CDH5: variants seen among roughly 807,000 people sequenced by gnomAD.
CDH5 encodes the protein cadherin-5.
CDH5 carries 28 observed loss-of-function variants against 62.0 expected under a neutral mutation model. The ratio of observed to expected loss-of-function variants is 0.45; its 90% CI spans 0.33 to 0.62. CDH5 has a LOEUF of 0.62. CDH5 is among the 20% of genes least tolerant of loss of function. The probability of loss-of-function intolerance (pLI) is 0.02; values close to 1 mark genes in which losing one functional copy is unlikely to be tolerated. For synonymous variants in CDH5, 464 were observed against 445.8 expected (o/e 1.04, Z -0.52); for missense variants, 940 against 1,065.1 (o/e 0.88, Z 1.63).
chr16:66,377,044 G>C (rs1342918476), intron 1 of CDH5, among the ~76,000 whole-genome samples: 3 of 152,126 alleles, frequency 2.0e-5, no homozygotes, highest in Non-Finnish European at 4.4e-5. Context: ...TGTCATCTTT[G>C]AGTCACTTCT....
chr16:66,380,600 T>C (rs1016470477), intron 2 of CDH5, among the ~76,000 whole-genome samples: 2 of 151,718 alleles, frequency 1.3e-5, no homozygotes, highest in Non-Finnish European at 2.9e-5. Context: ...GTGATGATGA[T>C]GGTGGTGATG....
chr16:66,400,267 G>C (rs1272341089), intron 10 of CDH5, among the ~76,000 whole-genome samples: 1 of 152,248 alleles, frequency 6.6e-6, no homozygotes, highest in Non-Finnish European at 1.5e-5. Flanking sequence ...CATTTTCTCT[G>C]TGCCCCAAGG....
At chr16:66,397,952 C>T (rs1961214443) in intron 8 of CDH5, 30 bp from the exon 9 acceptor site, 1 of 1,613,804 alleles carries the variant, frequency 6.2e-7, no homozygotes, top group Non-Finnish European at 8.5e-7. Flanking sequence ...TCAGCTGAGC[C>T]CATAATGGTG....
chr16:66,401,941 G>A (rs1303833435), intron 11 of CDH5, among the ~76,000 whole-genome samples: 1 of 152,180 alleles, frequency 6.6e-6, no homozygotes, highest in East Asian at 1.9e-4. Flanking sequence ...GGCCTCTCCT[G>A]CCTGTAGCCC....
intron 1 of CDH5, among the ~76,000 whole-genome samples, chr16:66,374,259 C>T (rs1412689724): frequency 6.6e-6 from 1 of 152,210 alleles, no homozygotes; most frequent in Non-Finnish European, 1.5e-5. Context: ...GGAGGGTGCT[C>T]AAGGCTCTGG....
rs1162119809 is a variant in CDH5, at chr16:66,402,949, A to G, written c.2135A>G (p.Lys712Arg). The change falls in exon 12 of 12, where the codon AAG becomes AGG. Residue 712 changes from lysine (K) to arginine (R), a missense_variant. Transcript: ENST00000341529. ...PGEMAAMIEV[K>R]KDEADHDGDG... ...GAGATGGCAGCCATGATCGAGGTGA[A>G]GAAGGACGAGGCGGACCACGACGGC... The G allele has an allele frequency of 6.8e-6, 11 of 1,612,738 alleles. No homozygotes were observed. The highest frequency in any genetic ancestry group is 9.3e-6 in the Non-Finnish European group (11 of 1,179,932).
chr16:66,381,570 T>A (rs1307358458), intron 2 of CDH5, among the ~76,000 whole-genome samples: 1 of 152,184 alleles, frequency 6.6e-6, no homozygotes, highest in Non-Finnish European at 1.5e-5. Context: ...CTTCTTGGAA[T>A]CTAAATGACA....
Position 66,386,971 on chromosome 16 carries a change from A to G in CDH5, c.373A>G (p.Lys125Glu). 1 of 1,614,216 alleles carries G rather than the reference A, an allele frequency of 6.2e-7. No individual in the cohort carries two copies. The highest frequency in any genetic ancestry group is 8.5e-7 in the Non-Finnish European group (1 of 1,180,036). The part of the protein sequence containing the change: ...EYHLTAVIVD[K>E]DTGENLETPS... ...CCACCTCACTGCTGTCATTGTGGAC[A>G]AGGACACTGGCGAAAACCTGGAGAC... is the stretch of plus-strand genomic sequence containing the variant. The change falls in exon 3 of 12, where the codon AAG (lysine) becomes GAG (glutamate). Residue 125 changes from lysine to glutamate, a missense_variant. Lys to Glu is a moderately conservative substitution (Grantham distance 56, BLOSUM62 1). Coordinates refer to ENST00000341529, the MANE Select transcript of CDH5 (RefSeq NM_001795.5).
Position 66,387,036 on chromosome 16 carries a change from C to T in CDH5, c.438C>T (p.Asp146=). 3 of 1,614,152 alleles carry T rather than the reference C, an allele frequency of 1.9e-6. No homozygotes were observed. Among genetic ancestry groups the T allele is most frequent in the South Asian group, 2.2e-5 (2 of 91,074 alleles). Residue 146 remains aspartate, a synonymous_variant, in exon 3 of 12, where the codon GAC becomes GAT. Coordinates refer to ENST00000341529, the MANE Select transcript of CDH5 (RefSeq NM_001795.5). The part of the protein sequence containing the change: ...SFTIKVHDVN[D]NWPVFTHRLF... ...CCATCAAAGTTCATGACGTGAACGA[C>T]AACTGGCCTGTGTTCACGCATCGGT...
intron 1 of CDH5, among the ~76,000 whole-genome samples, chr16:66,379,019 GGAA>G (rs1341359498): frequency 6.6e-6 from 1 of 152,186 alleles, no homozygotes; most frequent in Non-Finnish European, 1.5e-5. Context: ...ATAGCTTCGG[GGAA>G]GAATAAGCAG....
At chr16:66,367,770 C>T (rs1413335658) in intron 1 of CDH5, among the ~76,000 whole-genome samples, 2 of 152,056 alleles carry the variant, frequency 1.3e-5, no homozygotes, top group Non-Finnish European at 2.9e-5. Context: ...GGATCTCGTA[C>T]TCCAAAGCCC....
chr16:66,378,758 T>A (rs944365945), intron 1 of CDH5, among the ~76,000 whole-genome samples: 2 of 152,164 alleles, frequency 1.3e-5, no homozygotes, highest in African/African-American at 4.8e-5. Flanking sequence ...GACTCGCAAG[T>A]AGAAATGGTT....
intron 1 of CDH5, among the ~76,000 whole-genome samples, chr16:66,368,624 T>G (rs1313511640): frequency 6.6e-6 from 1 of 152,164 alleles, no homozygotes; most frequent in Non-Finnish European, 1.5e-5. Context: ...CCCTGTATCC[T>G]CTCTCTGCAC....
At chr16:66,388,274 A>G (rs750876713) in intron 3 of CDH5, 50 bp from the exon 4 acceptor site, 1 of 1,145,470 alleles carries the variant, frequency 8.7e-7, no homozygotes, top group South Asian at 1.2e-5. Flanking sequence ...GGAATGGGGT[A>G]AGGGGCCTAG....
chr16:66,389,567 C>G, intron 5 of CDH5, 45 bp downstream of exon 5: 1 of 1,454,848 alleles, frequency 6.9e-7, no homozygotes, highest in Non-Finnish European at 9.2e-7. Flanking sequence ...CTGGGATACC[C>G]CAGACTCAGT....
At chr16:66,385,427 C>G (rs1423377951) in intron 2 of CDH5, among the ~76,000 whole-genome samples, 1 of 152,174 alleles carries the variant, frequency 6.6e-6, no homozygotes, top group Non-Finnish European at 1.5e-5. Flanking sequence ...CTGAGTTACA[C>G]AAAGCTCACT....
At chr16:66,385,017 T>A (rs559092176) in intron 2 of CDH5, among the ~76,000 whole-genome samples, 1 of 151,894 alleles carries the variant, frequency 6.6e-6, no homozygotes, top group South Asian at 2.1e-4. Context: ...TGCCAGCCTC[T>A]GAGGCTGCAA....
At chr16:66,368,836 C>T (rs575778612) in intron 1 of CDH5, among the ~76,000 whole-genome samples, 1 of 152,304 alleles carries the variant, frequency 6.6e-6, no homozygotes, top group South Asian at 2.1e-4. Flanking sequence ...CAGTCCAGGC[C>T]ACAGAGGCAG....
At chr16:66,382,473 G>A (rs1960914491) in intron 2 of CDH5, among the ~76,000 whole-genome samples, 1 of 152,134 alleles carries the variant, frequency 6.6e-6, no homozygotes, top group Admixed American at 6.5e-5. Flanking sequence ...TGTCATACAG[G>A]AAAATGTCGT....
Sources: gnomAD v4.1 joint callset for allele counts (sites outside exome capture counted in the v4.1 genomes callset) on GRCh38, gnomAD v4.1.1 for gene constraint, MANE v1.5 for transcripts, NCBI Gene and HGNC (gene_info 2026-07-23, HGNC 2026-07-21) for gene names.